Variants in BFSP2 observed in about 807,000 individuals in gnomAD.
The protein encoded by BFSP2 is beaded filament structural protein 2.
A neutral mutation model predicts 44.9 loss-of-function variants in BFSP2; 38 were observed. That is an observed-to-expected ratio of 0.85 (90% CI 0.65 to 1.11). BFSP2 has a LOEUF of 1.11. Ranked by LOEUF, BFSP2 falls within the 50% of genes least tolerant of loss-of-function variation. BFSP2 has a pLI of 0.00. For missense variants in BFSP2, 525 were observed against 533.0 expected, an observed-to-expected ratio of 0.99 and a Z score of 0.15; for synonymous variants, 197 against 209.9, an observed-to-expected ratio of 0.94 and a Z score of 0.53.
At chr3:133,454,079 G>A (rs1225472261) in intron 4 of BFSP2, among the ~76,000 whole-genome samples, 1 of 152,076 alleles carries the variant, frequency 6.6e-6, no homozygotes, top group African/African-American at 2.4e-5. Context: ...CTAATGCAGG[G>A]TACTCAGGGA....
At chr3:133,414,757 CCTATTCT>C (rs1559959299) in intron 1 of BFSP2, among the ~76,000 whole-genome samples, 2 of 118,428 alleles carry the variant, frequency 1.7e-5, no homozygotes, top group Non-Finnish European at 3.7e-5. Flanking sequence ...TCTACTCACC[CCTATTCT>C]CTCCCCTCTA....
rs554439290 is a variant in BFSP2, at chr3:133,473,711, C to T, written c.1244+1146C>T. On this transcript the variant is annotated intron_variant, in intron 6 of 6. Transcript: ENST00000302334. The stretch of plus-strand genomic sequence containing the variant: ...TCTGTTTAACAAAGCACATCTTGCA[C>T]CGCCCTTAATCCATTTAACCCTGAG... Among the ~76,000 whole-genome samples, 7 of 151,618 alleles carry T rather than the reference C, an allele frequency of 4.6e-5. No homozygotes were observed. The South Asian group carries it at 1.5e-3, about 32-fold the overall frequency.
chr3:133,470,170 T>G (rs2074148782), intron 5 of BFSP2, among the ~76,000 whole-genome samples: 1 of 152,232 alleles, frequency 6.6e-6, no homozygotes, highest in Non-Finnish European at 1.5e-5. Context: ...TGATCTAGAT[T>G]TATTTTCTAG....
In BFSP2 at chr3:133,450,289, ATTG is replaced by A. The variant is rs759768853; in HGVS notation, c.730-8_730-6del. Reference sequence around the variant, plus strand: ...CCCCCGTAACTCATCTAAGATGTATATTGTTGTTTTCAGGATGTGAAGCTGCTG... The same window carrying A: ...CCCCCGTAACTCATCTAAGATGTATATTGTTTTCAGGATGTGAAGCTGCTG... On this transcript the variant is annotated splice_polypyrimidine_tract_variant and intron_variant, in intron 3 of 6. Coordinates refer to ENST00000302334, the MANE Select transcript of BFSP2 (RefSeq NM_003571.4). 327 of 1,613,902 alleles carry A rather than the reference ATTG, an allele frequency of 2.0e-4. No homozygotes were observed. The highest frequency in any genetic ancestry group is 2.7e-4 in the Non-Finnish European group (316 of 1,179,912).
intron 6 of BFSP2, among the ~76,000 whole-genome samples, chr3:133,474,686 A>C (rs755377987): frequency 1.5e-4 from 23 of 152,214 alleles, no homozygotes; most frequent in Non-Finnish European, 1.9e-4. Flanking sequence ...AGTGAGTGCC[A>C]AGGCAGACCT....
chr3:133,425,384 C>T (rs996257268), intron 1 of BFSP2, among the ~76,000 whole-genome samples: 5 of 152,280 alleles, frequency 3.3e-5, no homozygotes, highest in East Asian at 1.9e-4. Context: ...GAAGGACTCA[C>T]GAAGTACAGT....
At chr3:133,474,571 T>A (rs2074197609) in intron 6 of BFSP2, among the ~76,000 whole-genome samples, 1 of 152,222 alleles carries the variant, frequency 6.6e-6, no homozygotes, top group Admixed American at 6.5e-5. Flanking sequence ...TTTTTTCAGA[T>A]GCCTATGAGC....
chr3:133,443,362 A>G (rs1047604981), intron 1 of BFSP2, among the ~76,000 whole-genome samples: 2 of 152,218 alleles, frequency 1.3e-5, no homozygotes, highest in African/African-American at 4.8e-5. Flanking sequence ...TAGTGATTAA[A>G]AAAAAGAAGC....
intron 1 of BFSP2, among the ~76,000 whole-genome samples, chr3:133,418,508 C>T (rs998915784): frequency 2.6e-5 from 4 of 152,100 alleles, no homozygotes; most frequent in African/African-American, 4.8e-5. Flanking sequence ...GGAAATGAGG[C>T]GCTCATGGCA....
intron 3 of BFSP2, among the ~76,000 whole-genome samples, chr3:133,450,020 G>GGAA (rs1559976164): frequency 6.0e-5 from 2 of 33,304 alleles, no homozygotes; most frequent in East Asian, 1.0e-3. Flanking sequence ...GAAGGAAGGA[G>GGAA]GGAGGGAGGG....
At chr3:133,416,659 C>G (rs2073534303) in intron 1 of BFSP2, among the ~76,000 whole-genome samples, 1 of 143,850 alleles carries the variant, frequency 7.0e-6, no homozygotes. Flanking sequence ...TCTGTCCTCT[C>G]CCCTCTACTC....
At chr3:133,404,729 G>T (rs1363387804) in intron 1 of BFSP2, 1 of 152,180 alleles carries the variant, frequency 6.6e-6, no homozygotes, top group Non-Finnish European at 1.5e-5. Context: ...CTTTGTTCCT[G>T]CTCTTTGAAC....
chr3:133,471,153 G>C (rs2074158252), intron 5 of BFSP2, among the ~76,000 whole-genome samples: 2 of 152,220 alleles, frequency 1.3e-5, no homozygotes, highest in Admixed American at 1.3e-4. Flanking sequence ...AAGCAGAGGA[G>C]ATACAGGCCC....
intron 1 of BFSP2, among the ~76,000 whole-genome samples, chr3:133,438,392 G>T (rs529665098): frequency 6.6e-6 from 1 of 152,248 alleles, no homozygotes; most frequent in Non-Finnish European, 1.5e-5. Flanking sequence ...AAAATTAGCT[G>T]GGTGTGGTGG....
At chr3:133,447,106 T>C (rs569582750) in intron 1 of BFSP2, among the ~76,000 whole-genome samples, 73 of 152,296 alleles carry the variant, frequency 4.8e-4, no homozygotes, top group African/African-American at 1.7e-3. Flanking sequence ...TAAAAACTCT[T>C]AGAAGATATC....
intron 1 of BFSP2, among the ~76,000 whole-genome samples, chr3:133,416,363 A>G (rs114384299): frequency 0.028 from 2,322 of 82,454 alleles, 102 homozygotes; most frequent in African/African-American, 0.1. Context: ...TGTCCCCTCT[A>G]CTCATGCCTG....
At chr3:133,404,451 C>T (rs1409019331) in intron 1 of BFSP2, among the ~76,000 whole-genome samples, 1 of 152,182 alleles carries the variant, frequency 6.6e-6, no homozygotes, top group South Asian at 2.1e-4. Flanking sequence ...GCACTGAGGT[C>T]GTAATATTCT....
At chr3:133,472,859 T>C (rs966039234) in intron 6 of BFSP2, among the ~76,000 whole-genome samples, 4 of 152,132 alleles carry the variant, frequency 2.6e-5, no homozygotes, top group African/African-American at 7.2e-5. Flanking sequence ...TAATAGCTGT[T>C]AGGAATGTTT....
In BFSP2 at chr3:133,400,182, A is replaced by T. The variant is rs752202546; in HGVS notation, c.99A>T (p.Ser33=). 16 of 1,614,078 alleles carry T rather than the reference A, an allele frequency of 9.9e-6. No individual in the cohort carries two copies. The South Asian group carries it at 1.8e-4, about 18-fold the overall frequency. ...RRASFRGPRS[S]SSLESPPASR... ...CGTCCTTCAGGGGGCCACGGTCATC[A>T]TCCTCCCTGGAGAGCCCCCCAGCCT... Residue 33 remains serine, a synonymous_variant, in exon 1 of 7, where the codon TCA becomes TCT. Coordinates refer to ENST00000302334, the MANE Select transcript of BFSP2 (RefSeq NM_003571.4). The surrounding 1 kb of genome is among the most constrained non-coding windows in gnomAD (Gnocchi z 4.0).
Sources: gnomAD v4.1 joint callset for allele counts (sites outside exome capture counted in the v4.1 genomes callset) on GRCh38, gnomAD v4.1.1 for gene constraint, Gnocchi (gnomAD v3.1) non-coding constraint, MANE v1.5 for transcripts, NCBI Gene and HGNC (gene_info 2026-07-23, HGNC 2026-07-21) for gene names.